Variants in MACROD2 observed in about 807,000 individuals in gnomAD.
The protein encoded by MACROD2 is mono-ADP ribosylhydrolase 2.
Under a neutral mutation model 70.4 loss-of-function variants are expected in MACROD2, and 36 were observed. The ratio of observed to expected loss-of-function variants is 0.51; its 90% CI spans 0.39 to 0.68. MACROD2 has a LOEUF of 0.68. Among genes scored for constraint, MACROD2 ranks in the 30% least tolerant of loss-of-function variants. The probability of loss-of-function intolerance (pLI) is 0.00; values close to 1 mark genes in which losing one functional copy is unlikely to be tolerated. For synonymous variants in MACROD2, 172 were observed against 178.8 expected (o/e 0.96, Z 0.30); for missense variants, 496 against 538.4 (o/e 0.92, Z 0.78).
intron 5 of MACROD2, among the ~76,000 whole-genome samples, chr20:14,778,955 A>C (rs759603787): frequency 6.6e-6 from 1 of 152,174 alleles, no homozygotes; most frequent in African/African-American, 2.4e-5. Context: ...CTCTCAATGC[A>C]TGGTACAGTC....
chr20:14,903,921 C>T (rs2073928214), intron 5 of MACROD2, among the ~76,000 whole-genome samples: 1 of 152,096 alleles, frequency 6.6e-6, no homozygotes, highest in African/African-American at 2.4e-5. Context: ...TATTTTTCTT[C>T]ACATTCTCTC....
intron 6 of MACROD2, among the ~76,000 whole-genome samples, chr20:15,412,516 C>T (rs1600375359): frequency 1.3e-5 from 2 of 152,290 alleles, no homozygotes; most frequent in East Asian, 3.9e-4. Flanking sequence ...AAAGTGATTT[C>T]CATTTTGATT....
intron 6 of MACROD2, among the ~76,000 whole-genome samples, chr20:15,378,182 C>CACA (rs10626091): frequency 6.7e-6 from 1 of 148,672 alleles, no homozygotes; most frequent in East Asian, 2.0e-4. Context: ...GAAAGGAACC[C>CACA]AAAGTCCTAG....
At chr20:14,327,212 G>A (rs539605227) in intron 3 of MACROD2, 1 of 1,613,632 alleles carries the variant, frequency 6.2e-7, no homozygotes, top group Admixed American at 1.7e-5. Context: ...AGGTTGGTAG[G>A]AAATTCATCT....
At chr20:14,699,444 T>C (rs1454332684) in intron 5 of MACROD2, among the ~76,000 whole-genome samples, 2 of 152,304 alleles carry the variant, frequency 1.3e-5, no homozygotes, top group South Asian at 2.1e-4. Flanking sequence ...AATAGAATGC[T>C]AGGGACTTTG....
chr20:15,226,771 A>G (rs2076910093), intron 5 of MACROD2, among the ~76,000 whole-genome samples: 1 of 152,158 alleles, frequency 6.6e-6, no homozygotes, highest in Admixed American at 6.5e-5. Flanking sequence ...AATGCTACAC[A>G]ACACAGAAGA....
intron 3 of MACROD2, among the ~76,000 whole-genome samples, chr20:14,092,025 A>G (rs1427497221): frequency 6.6e-6 from 1 of 152,164 alleles, no homozygotes; most frequent in Non-Finnish European, 1.5e-5. Flanking sequence ...ACTGTTTTTC[A>G]TAGTAGTTGT....
intron 6 of MACROD2, among the ~76,000 whole-genome samples, chr20:15,308,511 AAT>A (rs1201683328): frequency 6.6e-6 from 1 of 152,192 alleles, no homozygotes; most frequent in African/African-American, 2.4e-5. Context: ...TGTTACTTTA[AAT>A]AGATTTGATT....
chr20:14,008,726 A>C (rs576230286), intron 2 of MACROD2, among the ~76,000 whole-genome samples: 9 of 152,322 alleles, frequency 5.9e-5, no homozygotes, highest in African/African-American at 2.2e-4. Flanking sequence ...CTATACTACA[A>C]GGCCAAAGTA....
chr20:14,633,131 C>T (rs1429701334), intron 4 of MACROD2, among the ~76,000 whole-genome samples: 4 of 152,214 alleles, frequency 2.6e-5, no homozygotes, highest in Admixed American at 2.6e-4. Flanking sequence ...CTTCTTTGGC[C>T]TGTGGTTGCA....
At position 14,328,806 on chromosome 20, in the gene MACROD2, G is replaced by T. The variant is rs577984232; in HGVS notation, c.272-164673G>T. 4 of 152,076 alleles carry T rather than the reference G, an allele frequency of 2.6e-5. No homozygotes were observed. In the East Asian group the frequency reaches 7.8e-4, roughly 29 times the overall value. 9.4% of individuals were successfully genotyped at this position (152,076 alleles called of 1,614,324 possible). A position where few individuals can be genotyped will look rare whatever the true frequency, so the allele number is the denominator to read the frequency against. ...TGGTGGGCAAGCTCATTAAAGTGGGGGCAGAAACAATTCTGCTTCCTGTTA... is the reference window on the plus strand; with the variant it reads ...TGGTGGGCAAGCTCATTAAAGTGGGTGCAGAAACAATTCTGCTTCCTGTTA... On this transcript the variant is annotated intron_variant, in intron 3 of 17. Transcript: ENST00000684519.
At chr20:15,113,255 A>G (rs538500276) in intron 5 of MACROD2, among the ~76,000 whole-genome samples, 1 of 152,256 alleles carries the variant, frequency 6.6e-6, no homozygotes, top group South Asian at 2.1e-4. Context: ...GTCCATATCT[A>G]AGTTGCCTTG....
intron 5 of MACROD2, among the ~76,000 whole-genome samples, chr20:14,722,455 C>T (rs563120905): frequency 1.3e-5 from 2 of 152,302 alleles, no homozygotes; most frequent in East Asian, 1.9e-4. Context: ...ACCCTGAACA[C>T]GTTTTTCTTT....
Position 16,051,990 on chromosome 20 carries a change from A to G in MACROD2, c.*2114A>G, listed in dbSNP as rs2067464402. 6.6e-6 allele frequency: 1 copy of G among 152,160 alleles called. No individual in the cohort carries two copies. Among genetic ancestry groups the G allele is most frequent in the Admixed American group, 6.6e-5 (1 of 15,262 alleles). 9.4% of individuals were successfully genotyped at this position (152,160 alleles called of 1,614,324 possible). A position where few individuals can be genotyped will look rare whatever the true frequency, so the allele number is the denominator to read the frequency against. ...TCAATGACAGTCATTTTATTCATTT[A>G]TTTCAAATGTGGGTGGGCTAGAAGT... is the stretch of plus-strand genomic sequence containing the variant. On this transcript the variant is annotated 3_prime_UTR_variant, in exon 18 of 18. Coordinates refer to ENST00000684519, the MANE Select transcript of MACROD2 (RefSeq NM_001351661.2).
intron 6 of MACROD2, among the ~76,000 whole-genome samples, chr20:15,281,667 G>A (rs1056086640): frequency 1.3e-5 from 2 of 152,212 alleles, no homozygotes; most frequent in Admixed American, 1.3e-4. Flanking sequence ...GCCTTTGCAG[G>A]GTACAGCGTC....
chr20:14,434,289 C>G (rs1179298228), intron 3 of MACROD2, among the ~76,000 whole-genome samples: 1 of 152,148 alleles, frequency 6.6e-6, no homozygotes. Context: ...TCAAATGAGG[C>G]AAACTGAAAT....
intron 3 of MACROD2, among the ~76,000 whole-genome samples, chr20:14,390,879 A>C (rs576097093): frequency 4.6e-5 from 7 of 152,324 alleles, no homozygotes; most frequent in African/African-American, 1.2e-4. Context: ...AAAAAGCACA[A>C]CACCACTGAT....
At chr20:14,341,571 G>A (rs2083013266) in intron 3 of MACROD2, among the ~76,000 whole-genome samples, 1 of 152,230 alleles carries the variant, frequency 6.6e-6, no homozygotes, top group Admixed American at 6.5e-5. Flanking sequence ...CCCAGGAGGT[G>A]GAGGTTGCAG....
chr20:15,903,505 G>A (rs1371924068), intron 10 of MACROD2, among the ~76,000 whole-genome samples: 1 of 152,206 alleles, frequency 6.6e-6, no homozygotes, highest in East Asian at 1.9e-4. Context: ...ACTAGAGTGT[G>A]CATGAGAATC....
Sources: gnomAD v4.1 joint callset for allele counts (sites outside exome capture counted in the v4.1 genomes callset) on GRCh38, gnomAD v4.1.1 for gene constraint, MANE v1.5 for transcripts, NCBI Gene and HGNC (gene_info 2026-07-23, HGNC 2026-07-21) for gene names.